The following MCF2 variants were observed in gnomAD, a reference collection of about 807,000 sequenced individuals.
MCF2 encodes the protein MCF.2 cell line derived transforming sequence, also known as proto-oncogene DBL.
A neutral mutation model predicts 82.5 loss-of-function variants in MCF2; 44 were observed. The observed-to-expected ratio is 0.53, with a 90% CI of 0.42 to 0.69. The LOEUF is 0.69. MCF2 is among the 30% of genes least tolerant of loss of function. MCF2 has a pLI of 0.00. For synonymous variants in MCF2, 217 were observed against 224.9 expected, an observed-to-expected ratio of 0.96 and a Z score of 0.32; for missense variants, 623 against 663.1, an observed-to-expected ratio of 0.94 and a Z score of 0.66.
intron 1 of MCF2, among the ~76,000 whole-genome samples, chrX:139,683,804 C>T (rs755898474): frequency 1.3e-3 from 148 of 111,539 alleles, no homozygotes; most frequent in Non-Finnish European, 2.4e-3. Flanking sequence ...GAATCTTTGC[C>T]GCACACTATA....
At chrX:139,692,125 T>C (rs938491305) in intron 1 of MCF2, 12 of 1,153,626 alleles carry the variant, frequency 1.0e-5, no homozygotes, top group Non-Finnish European at 1.4e-5. Context: ...GCTTGGGGCA[T>C]GTGCCTGGCC....
chrX:139,632,157 G>A (rs749091216), intron 2 of MCF2, among the ~76,000 whole-genome samples, 178 bp downstream of exon 5: 1 of 110,593 alleles, frequency 9.0e-6, no homozygotes, highest in Admixed American at 9.7e-5. Context: ...TTGATGAATC[G>A]ATTTCTTTTT....
chrX:139,641,484 C>T (rs1030040317), intron 1 of MCF2, among the ~76,000 whole-genome samples: 4 of 111,122 alleles, frequency 3.6e-5, no homozygotes, highest in Non-Finnish European at 7.5e-5. Flanking sequence ...TTGATGTTCA[C>T]TGTCATTCAA....
chrX:139,642,860 A>G (rs1023410468), exon 1 of MCF2: 36 of 891,464 alleles, frequency 4.0e-5, no homozygotes, highest in Admixed American at 6.1e-5. Context: ...AAGGAGGAGG[A>G]AAAAAAAACC....
upstream of MCF2, among the ~76,000 whole-genome samples, chrX:139,644,475 A>AT (rs1171465158): frequency 2.7e-5 from 3 of 112,528 alleles, no homozygotes; most frequent in Admixed American, 9.4e-5. Flanking sequence ...TATTTTAGTA[A>AT]TTTGAGTATA....
At chrX:139,610,969 A>C (rs1298588110) in intron 10 of MCF2, among the ~76,000 whole-genome samples, 1 of 112,338 alleles carries the variant, frequency 8.9e-6, no homozygotes, top group East Asian at 2.8e-4. Context: ...AAAGCATGAT[A>C]AAATGTTAAA....
chrX:139,697,647 A>C (rs995533855), intron 1 of MCF2, among the ~76,000 whole-genome samples: 2 of 111,780 alleles, frequency 1.8e-5, no homozygotes, highest in African/African-American at 3.3e-5. Context: ...CAATGAATTG[A>C]CCTGAATCCA....
intron 15 of MCF2, among the ~76,000 whole-genome samples, chrX:139,602,796 T>A (rs923922363): frequency 1.8e-5 from 2 of 112,241 alleles, no homozygotes; most frequent in Non-Finnish European, 3.8e-5. Flanking sequence ...AACGATGAAC[T>A]AATAGGCTGC....
At position 139,628,678 on chromosome X, in the gene MCF2, T is replaced by C. The variant is rs1211624926; in HGVS notation, c.438+1017A>G. Among the ~76,000 whole-genome samples, 5 of 112,173 alleles carry C rather than the reference T, an allele frequency of 4.5e-5. No individual in the cohort carries two copies. In the East Asian group the frequency reaches 1.1e-3, roughly 25 times the overall value. On this transcript the variant is annotated intron_variant, in intron 4 of 24. Transcript: ENST00000370576. ...TTTAATTTAAACACATATCTCTATATACAGCTTTAATCTTCTAATGCACAC... is the reference window on the plus strand; with the variant it reads ...TTTAATTTAAACACATATCTCTATACACAGCTTTAATCTTCTAATGCACAC...
chrX:139,684,003 A>C (rs1935063702), intron 1 of MCF2, among the ~76,000 whole-genome samples: 1 of 112,816 alleles, frequency 8.9e-6, no homozygotes, highest in African/African-American at 3.2e-5. Context: ...AGTTAAAAAT[A>C]TTTGCGATTC....
At chrX:139,649,412 C>G (rs1399263395) in intron 2 of MCF2, among the ~76,000 whole-genome samples, 1 of 111,401 alleles carries the variant, frequency 9.0e-6, no homozygotes, top group Non-Finnish European at 1.9e-5. Flanking sequence ...TGGTATAGAA[C>G]TAGTAATATA....
chrX:139,624,278 T>C (rs2083499571), intron 6 of MCF2, among the ~76,000 whole-genome samples: 1 of 111,326 alleles, frequency 9.0e-6, no homozygotes, highest in Non-Finnish European at 1.9e-5. Context: ...TTATAGCTCA[T>C]GCCTGGAATC....
intron 1 of MCF2, among the ~76,000 whole-genome samples, chrX:139,695,321 C>A (rs918038988): frequency 8.9e-6 from 1 of 111,813 alleles, no homozygotes; most frequent in East Asian, 2.8e-4. Context: ...TGAGCCATCG[C>A]GCCCAGCCTC....
intron 1 of MCF2, among the ~76,000 whole-genome samples, chrX:139,685,457 A>G (rs1318403518): frequency 9.0e-6 from 1 of 111,187 alleles, no homozygotes; most frequent in Non-Finnish European, 1.9e-5. Flanking sequence ...TCCCTGTCCT[A>G]TTCTGTTCCG....
At chrX:139,677,321 T>C (rs774426695) in intron 1 of MCF2, among the ~76,000 whole-genome samples, 14 of 110,662 alleles carry the variant, frequency 1.3e-4, no homozygotes, top group African/African-American at 4.3e-4. Context: ...GGTCAAACCA[T>C]ACACTTGATC....
At chrX:139,620,652 G>T (rs1274192931) in intron 6 of MCF2, among the ~76,000 whole-genome samples, 1 of 110,993 alleles carries the variant, frequency 9.0e-6, no homozygotes, top group East Asian at 2.9e-4. Context: ...AATACATGTA[G>T]CCCAAGGAGG....
exon 6 of MCF2, chrX:139,626,226 C>T (rs1017543137): frequency 2.5e-6 from 3 of 1,202,008 alleles, no homozygotes; most frequent in Non-Finnish European, 3.4e-6. Context: ...TCCATAGTTG[C>T]AGATACTGCT....
chrX:139,698,674 G>T (rs1935427337), intron 1 of MCF2, among the ~76,000 whole-genome samples: 1 of 111,727 alleles, frequency 9.0e-6, no homozygotes, highest in African/African-American at 3.3e-5. Flanking sequence ...GTCCATAATT[G>T]TACATATGAC....
Position 139,588,468 on chromosome X carries a change from G to A in MCF2, c.2371-30C>T, listed in dbSNP as rs777457634. 18 of 894,067 alleles carry A rather than the reference G, an allele frequency of 2.0e-5. No homozygotes were observed. The East Asian group carries it at 5.6e-4, about 28-fold the overall frequency. 73.7% of individuals were successfully genotyped at this position (894,067 alleles called of 1,213,427 possible). A position where few individuals can be genotyped will look rare whatever the true frequency, so the allele number is the denominator to read the frequency against. On this transcript the variant is annotated intron_variant, in intron 20 of 24. Coordinates refer to ENST00000370576, the Ensembl canonical transcript of MCF2. ...AGATTAAAAAAAAAGCGGGAGGGAG[G>A]TGGTACACATTTCCTTTTAAAAAGG...
Sources: gnomAD v4.1 joint callset for allele counts (sites outside exome capture counted in the v4.1 genomes callset) on GRCh38, gnomAD v4.1.1 for gene constraint, MANE v1.5 for transcripts, NCBI Gene and HGNC (gene_info 2026-07-23, HGNC 2026-07-21) for gene names.